SPATS1: variants seen among roughly 807,000 people sequenced by gnomAD.
SPATS1 encodes spermatogenesis associated serine rich 1.
Under a neutral mutation model 33.6 loss-of-function variants are expected in SPATS1, and 23 were observed. That is an observed-to-expected ratio of 0.68 (90% CI 0.49 to 0.97). SPATS1 has a LOEUF of 0.97. Ranked by LOEUF, SPATS1 falls within the 50% of genes least tolerant of loss-of-function variation. SPATS1 has a pLI of 0.00. For synonymous variants in SPATS1, 131 were observed against 125.6 expected (o/e 1.04, Z -0.29); for missense variants, 327 against 361.0 (o/e 0.91, Z 0.76).
intron 3 of SPATS1, among the ~76,000 whole-genome samples, chr6:44,357,541 C>G (rs1180164365): frequency 6.6e-6 from 1 of 152,130 alleles, no homozygotes; most frequent in Non-Finnish European, 1.5e-5. Context: ...TGCCACCACA[C>G]CTGGCTAATT....
At chr6:44,347,886 C>T (rs945289010) in intron 2 of SPATS1, among the ~76,000 whole-genome samples, 1 of 152,136 alleles carries the variant, frequency 6.6e-6, no homozygotes, top group Admixed American at 6.5e-5. Context: ...ATAAATTATA[C>T]TCCATGGCTA....
intron 3 of SPATS1, among the ~76,000 whole-genome samples, chr6:44,354,423 GT>G (rs1788442552): frequency 1.3e-5 from 2 of 151,900 alleles, no homozygotes; most frequent in South Asian, 2.1e-4. Context: ...TTTGATATTA[GT>G]TTTTTATATG....
chr6:44,344,014 C>T (rs558980790), intron 2 of SPATS1, among the ~76,000 whole-genome samples: 2 of 152,170 alleles, frequency 1.3e-5, no homozygotes, highest in African/African-American at 4.8e-5. Context: ...ACTCATTCCA[C>T]CCAGCTATTA....
At chr6:44,352,922 C>A in intron 3 of SPATS1, 49 bp downstream of exon 3, 1 of 1,587,378 alleles carries the variant, frequency 6.3e-7, no homozygotes, top group South Asian at 1.1e-5. Flanking sequence ...AGATTCTGAC[C>A]AAGAAGCCAA....
chr6:44,376,332 C>A, intron 7 of SPATS1, 26 bp from the exon 8 acceptor site: 1 of 1,529,298 alleles, frequency 6.5e-7, no homozygotes, highest in South Asian at 1.1e-5. Context: ...CAAACTACAA[C>A]TCAGGGTGTT....
intron 2 of SPATS1, among the ~76,000 whole-genome samples, chr6:44,348,859 G>C (rs1484409881): frequency 6.6e-6 from 1 of 152,188 alleles, no homozygotes; most frequent in East Asian, 1.9e-4. Flanking sequence ...ATTGGTCCTG[G>C]CGCCACTGCG....
At chr6:44,346,445 G>A (rs779445036) in intron 2 of SPATS1, among the ~76,000 whole-genome samples, 10 of 152,076 alleles carry the variant, frequency 6.6e-5, no homozygotes, top group Non-Finnish European at 1.0e-4. Flanking sequence ...GAGTGCAGTG[G>A]TATGATCAGG....
At chr6:44,362,872 C>T (rs1789007424) in intron 5 of SPATS1, among the ~76,000 whole-genome samples, 1 of 151,456 alleles carries the variant, frequency 6.6e-6, no homozygotes, top group Admixed American at 6.6e-5. Flanking sequence ...GAGTTTCGCT[C>T]TTGTTGCCCA....
rs190706422 is a variant in SPATS1 at position 44,379,378 on chromosome 6, C to T, written c.*2315C>T. ...GGCCGAGGCAGGCGGATCACGAGGT[C>T]AGGAGATCGAGACCATCCTGGCTAA... On this transcript the variant is annotated 3_prime_UTR_variant, in exon 9 of 9. Transcript: ENST00000674044. Among the ~76,000 whole-genome samples, 78 of 152,024 alleles carry T rather than the reference C, an allele frequency of 5.1e-4. No homozygotes were observed. Among genetic ancestry groups the T allele is most frequent in the African/African-American group, 1.7e-3 (72 of 41,494 alleles).
At chr6:44,360,768 A>T (rs1788867181) in intron 4 of SPATS1, among the ~76,000 whole-genome samples, 198 bp downstream of exon 4, 1 of 152,246 alleles carries the variant, frequency 6.6e-6, no homozygotes, top group Admixed American at 6.5e-5. Context: ...ACCCATTAAA[A>T]TACTGCAGAA....
intron 3 of SPATS1, among the ~76,000 whole-genome samples, chr6:44,356,806 C>T (rs1287606442): frequency 2.0e-5 from 3 of 152,228 alleles, no homozygotes; most frequent in Non-Finnish European, 4.4e-5. Context: ...CATCCCATAA[C>T]ATTTGCTGTT....
At chr6:44,343,659 T>C in intron 2 of SPATS1, 1 of 371,168 alleles carries the variant, frequency 2.7e-6, no homozygotes, top group Non-Finnish European at 5.3e-6. Context: ...CATTGTTTAT[T>C]GGATGGGACA....
chr6:44,361,684 GTC>G, intron 4 of SPATS1, 145 bp from the exon 5 acceptor site: 3 of 1,220,252 alleles, frequency 2.5e-6, no homozygotes, highest in Non-Finnish European at 2.3e-6. Context: ...GTTTCACACT[GTC>G]TCTGATGTAG....
chr6:44,364,885 C>A (rs1047457638), intron 5 of SPATS1, among the ~76,000 whole-genome samples: 1 of 151,890 alleles, frequency 6.6e-6, no homozygotes, highest in African/African-American at 2.4e-5. Flanking sequence ...GCAACCTCCG[C>A]CCACTGAGTT....
chr6:44,363,036 C>T (rs545513849), intron 5 of SPATS1, among the ~76,000 whole-genome samples: 8 of 152,114 alleles, frequency 5.3e-5, no homozygotes, highest in Non-Finnish European at 1.2e-4. Flanking sequence ...CGGATTTCTC[C>T]ATGTTGGTCA....
At chr6:44,361,284 G>A (rs1408724034) in intron 4 of SPATS1, 1 of 957,542 alleles carries the variant, frequency 1.0e-6, no homozygotes, top group East Asian at 1.1e-4. Context: ...CAAAGGCACT[G>A]CAAGGTCCAG....
At chr6:44,344,420 T>TGTGC (rs901684939) in intron 2 of SPATS1, among the ~76,000 whole-genome samples, 2 of 151,732 alleles carry the variant, frequency 1.3e-5, no homozygotes, top group African/African-American at 4.8e-5. Context: ...TGTGTGTGTG[T>TGTGC]GTGCATTTTT....
chr6:44,348,352 C>G (rs1788028322), intron 2 of SPATS1, among the ~76,000 whole-genome samples: 1 of 152,096 alleles, frequency 6.6e-6, no homozygotes, highest in South Asian at 2.1e-4. Flanking sequence ...TCTGCATTAT[C>G]AGCTTTTGCA....
At position 44,366,133 on chromosome 6, in the gene SPATS1, T is replaced by A. The variant is rs1456115191; in HGVS notation, c.575-2246T>A. The stretch of plus-strand genomic sequence containing the variant: ...AGTCTATATATATATATATATTTTT[T>A]TTTTTTTTGAGACAGAGTTTCGCTC... On this transcript the variant is annotated intron_variant, in intron 5 of 8. Coordinates refer to ENST00000674044, the MANE Select transcript of SPATS1 (RefSeq NM_001372081.1). Among the ~76,000 whole-genome samples the A allele has an allele frequency of 2.4e-3, 350 of 146,372 alleles. 1 individual carries two copies. Among genetic ancestry groups the A allele is most frequent in the African/African-American group, 7.0e-3 (279 of 40,072 alleles).
Sources: allele counts gnomAD v4.1 joint callset (sites outside exome capture counted in the v4.1 genomes callset), GRCh38; gene constraint gnomAD v4.1.1; transcripts MANE v1.5; gene names NCBI Gene and HGNC (gene_info 2026-07-23, HGNC 2026-07-21).